ATRN: variants seen among roughly 807,000 people sequenced by gnomAD.
ATRN encodes the protein attractin-2.
Under a neutral mutation model 178.7 loss-of-function variants are expected in ATRN, and 54 were observed. That is an observed-to-expected ratio of 0.30 (90% CI 0.24 to 0.38). The LOEUF is 0.38. ATRN is among the 10% of genes least tolerant of loss of function. The pLI, the probability that ATRN is intolerant of heterozygous loss-of-function variation, is 1.00. For missense variants in ATRN, 1,443 were observed against 1,815.1 expected (o/e 0.79, Z 3.73); for synonymous variants, 636 against 663.0 (o/e 0.96, Z 0.63).
chr20:3,524,535 G>T (rs990529850), intron 1 of ATRN, among the ~76,000 whole-genome samples: 1 of 152,110 alleles, frequency 6.6e-6, no homozygotes, highest in African/African-American at 2.4e-5. Context: ...GGATATTCAG[G>T]ACTTGAACTC....
intron 11 of ATRN, among the ~76,000 whole-genome samples, chr20:3,566,298 G>A (rs1015894420): frequency 1.3e-5 from 2 of 152,252 alleles, no homozygotes; most frequent in African/African-American, 4.8e-5. Context: ...AACTACCAGA[G>A]CTCTTCAAAA....
At chr20:3,500,369 A>G (rs1478920316) in intron 1 of ATRN, among the ~76,000 whole-genome samples, 1 of 152,178 alleles carries the variant, frequency 6.6e-6, no homozygotes, top group African/African-American at 2.4e-5. Flanking sequence ...TCATGCTGCT[A>G]TAAAGACACA....
intron 1 of ATRN, among the ~76,000 whole-genome samples, chr20:3,526,073 T>G (rs553194173): frequency 3.3e-5 from 5 of 152,132 alleles, no homozygotes; most frequent in African/African-American, 7.2e-5. Context: ...GAGAAAGAAA[T>G]AAAGGGTATT....
chr20:3,498,304 A>T (rs2146102431), intron 1 of ATRN, among the ~76,000 whole-genome samples: 1 of 152,316 alleles, frequency 6.6e-6, no homozygotes, highest in Admixed American at 6.5e-5. Flanking sequence ...TCAATAGAAA[A>T]AGAGGGAATC....
chr20:3,565,160 G>A (rs1011971866), intron 10 of ATRN, among the ~76,000 whole-genome samples, 188 bp from the exon 11 acceptor site: 1 of 152,112 alleles, frequency 6.6e-6, no homozygotes, highest in African/African-American at 2.4e-5. Context: ...GTATGATCCC[G>A]CCTTTCTTCC....
At chr20:3,489,141 A>G (rs1414324486) in intron 1 of ATRN, among the ~76,000 whole-genome samples, 1 of 152,002 alleles carries the variant, frequency 6.6e-6, no homozygotes, top group African/African-American at 2.4e-5. Context: ...TTGTATTTTT[A>G]TTAGAGATGG....
chr20:3,498,254 C>T (rs2084908376), intron 1 of ATRN, among the ~76,000 whole-genome samples: 1 of 152,118 alleles, frequency 6.6e-6, no homozygotes, highest in African/African-American at 2.4e-5. Flanking sequence ...ACCAGAGGTA[C>T]AAGGAGGAAC....
In ATRN at chr20:3,491,133, T is replaced by C. The variant is rs193188667; in HGVS notation, c.410+19616T>C. On this transcript the variant is annotated intron_variant, in intron 1 of 28. Transcript: ENST00000262919. ...TTGATTCTAATAATTATCTGCAGAT[T>C]ATTAGCTCTCTGGGGGAAAAAAATC... 28 of 552,812 alleles carry C rather than the reference T, an allele frequency of 5.1e-5. No homozygotes were observed. The East Asian group carries it at 8.7e-4, about 17-fold the overall frequency. 34.2% of individuals were successfully genotyped at this position (552,812 alleles called of 1,614,324 possible).
At chr20:3,601,432 A>T (rs1290226681) in intron 23 of ATRN, among the ~76,000 whole-genome samples, 1 of 152,202 alleles carries the variant, frequency 6.6e-6, no homozygotes, top group African/African-American at 2.4e-5. Context: ...ATAAATGAAA[A>T]CATTTTAAAT....
intron 1 of ATRN, among the ~76,000 whole-genome samples, chr20:3,516,579 C>G (rs1336059713): frequency 6.6e-6 from 1 of 151,986 alleles, no homozygotes; most frequent in Non-Finnish European, 1.5e-5. Context: ...ACAGAAAACC[C>G]AAACTCAGAT....
At chr20:3,566,269 C>A (rs1166679732) in intron 11 of ATRN, among the ~76,000 whole-genome samples, 1 of 152,084 alleles carries the variant, frequency 6.6e-6, no homozygotes, top group Non-Finnish European at 1.5e-5. Context: ...CATTTTATCG[C>A]TCAAAAATGC....
chr20:3,628,637 G>A (rs7266554), intron 25 of ATRN, among the ~76,000 whole-genome samples: 110 of 152,220 alleles, frequency 7.2e-4, no homozygotes, highest in Middle Eastern at 3.4e-3. Flanking sequence ...TATATGTAGG[G>A]TTCAGTACTA....
At position 3,545,786 on chromosome 20, in the gene ATRN, T is replaced by C; in HGVS notation, c.633T>C (p.Asp211=). Reference sequence around the variant, plus strand: ...GTGGCCTCATTGTTCCTGAGAGAGATGGCAATGAGACTGTCCCTGAGGTTG... The same window carrying C: ...GTGGCCTCATTGTTCCTGAGAGAGACGGCAATGAGACTGTCCCTGAGGTTG... ...AFSGLIVPER[D]GNETVPEVVA... The change falls in exon 4 of 29, where the codon GAT becomes GAC. Residue 211 remains aspartate, a synonymous_variant. Transcript: ENST00000262919. The C allele has an allele frequency of 6.2e-7, 1 of 1,614,090 alleles. No homozygotes were observed. Among genetic ancestry groups the C allele is most frequent in the Non-Finnish European group, 8.5e-7 (1 of 1,179,964 alleles).
intron 18 of ATRN, among the ~76,000 whole-genome samples, chr20:3,589,187 A>T (rs577390333): frequency 5.9e-5 from 9 of 151,412 alleles, no homozygotes; most frequent in Admixed American, 5.9e-4. Context: ...TTTAGTAGAG[A>T]CAGGGTTTTA....
chr20:3,506,304 C>T (rs1475606076), intron 1 of ATRN, among the ~76,000 whole-genome samples: 2 of 152,058 alleles, frequency 1.3e-5, no homozygotes, highest in African/African-American at 4.8e-5. Context: ...AAGAAACAGA[C>T]TCAAGGAGAC....
chr20:3,546,127 G>GA (rs1483420783), intron 4 of ATRN, among the ~76,000 whole-genome samples: 1 of 152,150 alleles, frequency 6.6e-6, no homozygotes, highest in African/African-American at 2.4e-5. Context: ...TAACTGGTGG[G>GA]ACCACAATTT....
chr20:3,561,614 CTGT>C (rs2085954270), intron 8 of ATRN, among the ~76,000 whole-genome samples: 1 of 152,082 alleles, frequency 6.6e-6, no homozygotes. Flanking sequence ...TTCATTGTAT[CTGT>C]TGTTGTGCAG....
intron 6 of ATRN, among the ~76,000 whole-genome samples, chr20:3,554,165 T>C (rs2085828911): frequency 6.6e-6 from 1 of 152,124 alleles, no homozygotes. Context: ...ACTTTTTTTT[T>C]CTACTGATCA....
chr20:3,472,036 A>G (rs926496815), intron 1 of ATRN, among the ~76,000 whole-genome samples: 6 of 152,224 alleles, frequency 3.9e-5, no homozygotes, highest in African/African-American at 1.4e-4. Flanking sequence ...TATTAGGGAT[A>G]GAAGGACCAG....
Sources: gnomAD v4.1 joint callset for allele counts (sites outside exome capture counted in the v4.1 genomes callset) on GRCh38, gnomAD v4.1.1 for gene constraint, MANE v1.5 for transcripts, NCBI Gene and HGNC (gene_info 2026-07-23, HGNC 2026-07-21) for gene names.